Variants in ATR observed in about 807,000 individuals in gnomAD.
The protein encoded by ATR is serine/threonine-protein kinase ATR.
ATR carries 142 observed loss-of-function variants against 305.3 expected under a neutral mutation model. The ratio of observed to expected loss-of-function variants is 0.47; its 90% CI spans 0.41 to 0.53. The LOEUF is 0.53. Among genes scored for constraint, ATR ranks in the 20% least tolerant of loss-of-function variants. The probability of loss-of-function intolerance (pLI) is 0.00; values close to 1 mark genes in which losing one functional copy is unlikely to be tolerated. For missense variants in ATR, 2,135 were observed against 3,133.1 expected (o/e 0.68, Z 7.60); for synonymous variants, 1,050 against 1,068.1 (o/e 0.98, Z 0.33).
intron 9 of ATR, 28 bp downstream of exon 9, chr3:142,556,354 TA>T: frequency 6.3e-7 from 1 of 1,586,302 alleles, no homozygotes; most frequent in Admixed American, 1.7e-5. Context: ...AATAGAGTGA[TA>T]TATTCAAATT....
chr3:142,528,689 A>G (rs1236023465), intron 21 of ATR, among the ~76,000 whole-genome samples: 1 of 151,146 alleles, frequency 6.6e-6, no homozygotes, highest in African/African-American at 2.4e-5. Context: ...AATGTGACTC[A>G]GATGCTTGGC....
intron 36 of ATR, among the ~76,000 whole-genome samples, chr3:142,477,653 T>C (rs1334280031): frequency 2.0e-5 from 3 of 152,226 alleles, no homozygotes; most frequent in African/African-American, 4.8e-5. Context: ...ATTGAAATAG[T>C]TTCAGAATGA....
intron 25 of ATR, 89 bp from the exon 26 acceptor site, chr3:142,513,727 G>T: frequency 1.6e-6 from 2 of 1,288,214 alleles, no homozygotes; most frequent in South Asian, 1.5e-5. Context: ...TATCACAAAC[G>T]AGTATTCATT....
At chr3:142,519,599 C>T (rs1164866197) in intron 24 of ATR, 70 bp downstream of exon 24, 2 of 1,378,038 alleles carry the variant, frequency 1.5e-6, no homozygotes, top group Non-Finnish European at 2.0e-6. Flanking sequence ...TGCACCCGGC[C>T]AAAAAAATCG....
intron 36 of ATR, among the ~76,000 whole-genome samples, chr3:142,475,353 G>GT (rs1348144550): frequency 6.6e-6 from 1 of 152,076 alleles, no homozygotes; most frequent in African/African-American, 2.4e-5. Context: ...GCGGTGTTTG[G>GT]TTTTTTGTCC....
rs1358740303 is a variant in ATR, at chr3:142,535,203, C to A, written c.3822G>T (p.Glu1274Asp). Residue 1274 changes from glutamate (E) to aspartate (D), a missense_variant and splice_region_variant, in exon 21 of 47, where the codon GAG (glutamate) becomes GAT (aspartate). Coordinates refer to ENST00000350721, the MANE Select transcript of ATR (RefSeq NM_001184.4). ...TCTGAAGATCAGTGCTCTCAGAGGTCTCCTATATACAAAGCACAGAGAGAC... is the reference window on the plus strand; with the variant it reads ...TCTGAAGATCAGTGCTCTCAGAGGTATCCTATATACAAAGCACAGAGAGAC... ...IKAVLQEYRK[E>D]TSESTDLQTT... 6.2e-7 allele frequency: 1 copy of A among 1,612,942 alleles called. No homozygotes were observed. The highest frequency in any genetic ancestry group is 8.5e-7 in the Non-Finnish European group (1 of 1,179,268).
Position 142,553,904 on chromosome 3 carries a change from T to C in ATR, c.2453A>G (p.Lys818Arg). ...TCCACTAAAAGCCACTCTAACATCTTTGTCTGGATCTTCCATTAAATTTAA... is the reference window on the plus strand; with the variant it reads ...TCCACTAAAAGCCACTCTAACATCTCTGTCTGGATCTTCCATTAAATTTAA... ...TLLNLMEDPD[K>R]DVRVAFSGNI... Residue 818 changes from lysine (K) to arginine (R), a missense_variant, in exon 11 of 47, where the codon AAA becomes AGA. This residue lies in a region of ATR where 530 missense variants were observed against 766.8 expected (regional missense o/e 0.69). Coordinates refer to ENST00000350721, the MANE Select transcript of ATR (RefSeq NM_001184.4). 1 of 1,613,310 alleles carries C rather than the reference T, an allele frequency of 6.2e-7. No individual in the cohort carries two copies. Among genetic ancestry groups the C allele is most frequent in the East Asian group, 2.2e-5 (1 of 44,750 alleles).
In ATR at chr3:142,449,564, T is replaced by C. The variant is rs746266532; in HGVS notation, c.7800A>G (p.Gln2600=). ...THVLDIEQRL[Q]GVIKTRNRVT... ...CTCTATTTCGAGTCTTGATTACACC[T>C]TGTAGTCGCTGCTCAATGTCAAGAA... is the stretch of plus-strand genomic sequence containing the variant. Residue 2600 remains glutamine, a synonymous_variant, in exon 47 of 47, where the codon CAA becomes CAG. Coordinates refer to ENST00000350721, the MANE Select transcript of ATR (RefSeq NM_001184.4). The C allele has an allele frequency of 1.2e-5, 19 of 1,614,158 alleles. 1 individual carries two copies. The East Asian group carries it at 1.3e-4, about 11-fold the overall frequency.
intron 19 of ATR, among the ~76,000 whole-genome samples, chr3:142,537,645 C>T (rs1202322787): frequency 1.3e-5 from 2 of 152,024 alleles, no homozygotes; most frequent in African/African-American, 4.8e-5. Flanking sequence ...CTAAAGGGAC[C>T]AGCAATAGCA....
chr3:142,550,019 TAAACTTA>T, intron 14 of ATR, 106 bp downstream of exon 14: 2 of 1,383,560 alleles, frequency 1.4e-6, no homozygotes, highest in South Asian at 2.5e-5. Flanking sequence ...CAAATCCACT[TAAACTTA>T]AGTTTTACAG....
At chr3:142,555,450 TC>T (rs1440530911) in intron 10 of ATR, among the ~76,000 whole-genome samples, 1 of 152,078 alleles carries the variant, frequency 6.6e-6, no homozygotes, top group Non-Finnish European at 1.5e-5. Context: ...AAATTTATAC[TC>T]CATTACCACT....
At chr3:142,465,075 T>TA in intron 41 of ATR, 22 bp downstream of exon 41, 2 of 1,381,270 alleles carry the variant, frequency 1.4e-6, no homozygotes, top group Non-Finnish European at 1.9e-6. Context: ...ATAAATAAAA[T>TA]AAAAGCAAAC....
chr3:142,483,794 T>C (rs3922731), intron 36 of ATR, among the ~76,000 whole-genome samples: 20,133 of 150,332 alleles, frequency 0.13, 1,407 homozygotes, highest in Non-Finnish European at 0.16. Context: ...GATCGTGCCA[T>C]TGCACTCCAG....
chr3:142,508,233 AT>A, intron 27 of ATR, 124 bp from the exon 28 acceptor site: 1 of 792,748 alleles, frequency 1.3e-6, no homozygotes, highest in Non-Finnish European at 1.9e-6. Context: ...AGGATATCAT[AT>A]TTAGAATGTA....
At chr3:142,535,265 A>T in intron 20 of ATR, 60 bp from the exon 21 acceptor site, 1 of 1,597,380 alleles carries the variant, frequency 6.3e-7, no homozygotes, top group Non-Finnish European at 8.6e-7. Flanking sequence ...AACCATTTCC[A>T]AAGGCCTGAA....
chr3:142,551,028 G>T (rs1297640656), intron 13 of ATR, among the ~76,000 whole-genome samples: 2 of 152,110 alleles, frequency 1.3e-5, no homozygotes, highest in Admixed American at 1.3e-4. Flanking sequence ...CTCAGGTGAT[G>T]CGCCCACCTT....
At chr3:142,490,709 AT>A (rs1559932942) in intron 35 of ATR, among the ~76,000 whole-genome samples, 1 of 152,012 alleles carries the variant, frequency 6.6e-6, no homozygotes, top group South Asian at 2.1e-4. Flanking sequence ...GTTGAAGATC[AT>A]TTTTTTCCTC....
intron 21 of ATR, 26 bp downstream of exon 21, chr3:142,535,053 AT>A (rs2033803818): frequency 3.1e-6 from 5 of 1,589,598 alleles, no homozygotes; most frequent in African/African-American, 1.3e-5. Flanking sequence ...TTTGTTATAC[AT>A]TTTTAATTAT....
chr3:142,544,785 TAG>T (rs1319533638), intron 16 of ATR, among the ~76,000 whole-genome samples: 2 of 152,088 alleles, frequency 1.3e-5, no homozygotes, highest in African/African-American at 4.8e-5. Context: ...TACCATATAA[TAG>T]AGAGGAGTGA....
Sources: gnomAD v4.1 joint callset for allele counts (sites outside exome capture counted in the v4.1 genomes callset) on GRCh38, gnomAD v4.1.1 for gene constraint, gnomAD v4.1.1 regional missense constraint, MANE v1.5 for transcripts, NCBI Gene and HGNC (gene_info 2026-07-23, HGNC 2026-07-21) for gene names.